ZNF180: variants seen among roughly 807,000 people sequenced by gnomAD.
The protein encoded by ZNF180 is zinc finger protein 180 (HHZ168).
Under a neutral mutation model 11.8 loss-of-function variants are expected in ZNF180, and 11 were observed. That is an observed-to-expected ratio of 0.93 (90% CI 0.59 to 1.55). ZNF180 has a LOEUF of 1.55. Ranked by LOEUF, ZNF180 falls within the 40% of genes most tolerant of loss-of-function variation. The pLI is 0.00. For synonymous variants in ZNF180, 287 were observed against 257.7 expected (o/e 1.11, Z -1.09); for missense variants, 773 against 781.7 (o/e 0.99, Z 0.13).
chr19:44,490,176 G>GGGA (rs1442184881), intron 2 of ZNF180, among the ~76,000 whole-genome samples: 63 of 135,962 alleles, frequency 4.6e-4, no homozygotes, highest in East Asian at 1.5e-3. Flanking sequence ...GGGAGGGAGG[G>GGGA]AGGGAGGGAG....
intron 2 of ZNF180, among the ~76,000 whole-genome samples, chr19:44,485,476 C>CT (rs1970206100): frequency 3.9e-5 from 6 of 152,104 alleles, no homozygotes; most frequent in Non-Finnish European, 1.5e-5. Flanking sequence ...CTTTCTCTGG[C>CT]TCCCATTTTC....
rs375087275 is a variant in ZNF180, at chr19:44,500,272, A to G, written c.-44+3T>C. The G allele has an allele frequency of 1.2e-6, 2 of 1,612,794 alleles. No homozygotes were observed. Among genetic ancestry groups the G allele is most frequent in the African/African-American group, 2.7e-5 (2 of 74,820 alleles). ...CCAAGCGCTGCCCCACGCCCCTACC[A>G]ACCTGGGCGTCCGCTGGCCCGCAGC... On this transcript the variant is annotated splice_donor_region_variant and intron_variant, in intron 1 of 4. Transcript: ENST00000592529.
rs1969862225 is a variant in ZNF180 at position 44,476,221 on chromosome 19, C to T, written c.*181G>A. 1 of 540,154 alleles carries T rather than the reference C, an allele frequency of 1.9e-6. No homozygotes were observed. The highest frequency in any genetic ancestry group is 3.1e-6 in the Non-Finnish European group (1 of 324,692). The allele number at this position is 540,154 out of a possible 1,614,324, so 33.5% of individuals were successfully genotyped here. A position where few individuals can be genotyped will look rare whatever the true frequency, so the allele number is the denominator to read the frequency against. On this transcript the variant is annotated 3_prime_UTR_variant, in exon 5 of 5. Transcript: ENST00000592529. ...ATATGGAATTGCCAGGTTGAAAAGTCGTTCATAGACTTTCCCCCTTTCTTT... is the reference window on the plus strand; with the variant it reads ...ATATGGAATTGCCAGGTTGAAAAGTTGTTCATAGACTTTCCCCCTTTCTTT...
chr19:44,492,075 C>A (rs1433862124), intron 2 of ZNF180, among the ~76,000 whole-genome samples: 1 of 152,160 alleles, frequency 6.6e-6, no homozygotes, highest in Non-Finnish European at 1.5e-5. Context: ...GAAGCGTTCC[C>A]AGATAGCAGA....
At position 44,477,391 on chromosome 19, in the gene ZNF180, A is replaced by G. The variant is rs780866666; in HGVS notation, c.1009T>C (p.Trp337Arg). The change falls in exon 5 of 5, where the codon TGG (tryptophan) becomes CGG (arginine). Residue 337 changes from tryptophan to arginine, a missense_variant. Transcript: ENST00000592529. ...TGATGTGCAACAAGATGCGAGCTCC[A>G]GCTGAAGGATTTCCCACACTGATTA... The part of the protein sequence containing the change: ...ECNQCGKSFS[W>R]SSHLVAHQRT... 31 of 1,613,704 alleles carry G rather than the reference A, an allele frequency of 1.9e-5. No homozygotes were observed. Among genetic ancestry groups the G allele is most frequent in the Non-Finnish European group, 2.5e-5 (29 of 1,179,954 alleles).
intron 2 of ZNF180, among the ~76,000 whole-genome samples, chr19:44,493,156 A>G (rs746894944): frequency 1.2e-4 from 18 of 152,186 alleles, no homozygotes; most frequent in Non-Finnish European, 2.2e-4. Flanking sequence ...TACACAGAAT[A>G]GACCATCCAC....
chr19:44,493,403 G>T (rs13344700), intron 2 of ZNF180, among the ~76,000 whole-genome samples: 11 of 152,056 alleles, frequency 7.2e-5, no homozygotes, highest in African/African-American at 2.7e-4. Flanking sequence ...CACTGGACTC[G>T]TGGCCTTCGT....
intron 3 of ZNF180, among the ~76,000 whole-genome samples, chr19:44,479,898 G>C (rs532732722): frequency 6.6e-6 from 1 of 152,076 alleles, no homozygotes; most frequent in Non-Finnish European, 1.5e-5. Context: ...TAAACAAATG[G>C]GTGTGGCTAC....
chr19:44,479,281 A>T lies in ZNF180; in HGVS notation c.253+2T>A. 6.2e-7 allele frequency: 1 copy of T among 1,612,566 alleles called. No homozygotes were observed. Among genetic ancestry groups the T allele is most frequent in the Non-Finnish European group, 8.5e-7 (1 of 1,179,482 alleles). On this transcript the variant is annotated splice_donor_variant, in intron 4 of 4. Coordinates refer to ENST00000592529, the MANE Select transcript of ZNF180 (RefSeq NM_001278509.3). LOFTEE classifies it high-confidence loss of function. ...CTTCATTAAAGAGGAGTGTATTCTT[A>T]CCCCAAGAGACTAGGTCCCTGTGGT... is the stretch of plus-strand genomic sequence containing the variant.
chr19:44,476,988 C>T lies in ZNF180; in HGVS notation c.1412G>A (p.Cys471Tyr). 1 of 1,614,166 alleles carries T rather than the reference C, an allele frequency of 6.2e-7. No homozygotes were observed. The highest frequency in any genetic ancestry group is 1.3e-5 in the African/African-American group (1 of 75,050). Residue 471 changes from cysteine (C) to tyrosine (Y), a missense_variant, in exon 5 of 5, where the codon TGT becomes TAT. Coordinates refer to ENST00000592529, the MANE Select transcript of ZNF180 (RefSeq NM_001278509.3). ...ATAACTTTGACTAAAGGATTTCCCA[C>T]ACTGATTGCATTCATAGGGTTTTTC... ...TGEKPYECNQ[C>Y]GKSFSQSYKL...
At chr19:44,490,164 A>G (rs1056668568) in intron 2 of ZNF180, among the ~76,000 whole-genome samples, 2 of 73,542 alleles carry the variant, frequency 2.7e-5, no homozygotes, top group Non-Finnish European at 5.6e-5. Flanking sequence ...GAAATAGGAG[A>G]AGGGAGGGAG....
intron 2 of ZNF180, among the ~76,000 whole-genome samples, chr19:44,490,001 G>GAAAGA (rs1345288539): frequency 0.17 from 18,007 of 105,322 alleles, 3,936 homozygotes; most frequent in East Asian, 0.53. Flanking sequence ...AAGCAAGAAA[G>GAAAGA]AAAGAAAAGA....
intron 3 of ZNF180, among the ~76,000 whole-genome samples, chr19:44,481,936 C>T (rs1352252250): frequency 6.6e-6 from 1 of 152,224 alleles, no homozygotes; most frequent in Admixed American, 6.5e-5. Context: ...TTCTATTCTT[C>T]TCACTTGTCC....
chr19:44,494,994 C>T (rs1970541939), intron 2 of ZNF180, among the ~76,000 whole-genome samples: 1 of 152,142 alleles, frequency 6.6e-6, no homozygotes, highest in African/African-American at 2.4e-5. Context: ...CATACGCACA[C>T]CGATACAAGC....
chr19:44,497,666 C>A (rs962587603), intron 1 of ZNF180, among the ~76,000 whole-genome samples: 5 of 152,084 alleles, frequency 3.3e-5, no homozygotes, highest in African/African-American at 1.2e-4. Flanking sequence ...TTCTGCCCAC[C>A]ACCAAAGTCT....
chr19:44,476,239 CT>C lies in ZNF180; in HGVS notation c.*162del, dbSNP rs1463141300. The C allele has an allele frequency of 1.5e-6, 1 of 664,444 alleles. No individual in the cohort carries two copies. The highest frequency in any genetic ancestry group is 3.0e-5 in the East Asian group (1 of 33,626). The allele number at this position is 664,444 out of a possible 1,614,324, so 41.2% of individuals were successfully genotyped here. A position where few individuals can be genotyped will look rare whatever the true frequency, so the allele number is the denominator to read the frequency against. ...GAAAAGTCGTTCATAGACTTTCCCC[CT>C]TTCTTTTCCAGAACAAATTTGAGAC... On this transcript the variant is annotated 3_prime_UTR_variant, in exon 5 of 5. Coordinates refer to ENST00000592529, the MANE Select transcript of ZNF180 (RefSeq NM_001278509.3).
rs1255507179 is a variant in ZNF180 at position 44,476,285 on chromosome 19, G to A, written c.*117C>T. ...TGAGACACACAATTAACAGAGGGCT[G>A]GAAGTTTTCCCACATATATTGTTTT... is the stretch of plus-strand genomic sequence containing the variant. On this transcript the variant is annotated 3_prime_UTR_variant, in exon 5 of 5. Transcript: ENST00000592529. 2 of 1,010,320 alleles carry A rather than the reference G, an allele frequency of 2.0e-6. No individual in the cohort carries two copies. Among genetic ancestry groups the A allele is most frequent in the Non-Finnish European group, 2.8e-6 (2 of 724,540 alleles). The allele number at this position is 1,010,320 out of a possible 1,614,324, so 62.6% of individuals were successfully genotyped here.
At chr19:44,490,194 G>A (rs900661912) in intron 2 of ZNF180, among the ~76,000 whole-genome samples, 2 of 150,036 alleles carry the variant, frequency 1.3e-5, no homozygotes, top group African/African-American at 2.5e-5. Context: ...GAGGGAGGGA[G>A]GATGGAAGGA....
In ZNF180 at chr19:44,476,298, C is replaced by A; in HGVS notation, c.*104G>T. 8.9e-7 allele frequency: 1 copy of A among 1,128,390 alleles called. No homozygotes were observed. The highest frequency in any genetic ancestry group is 1.2e-6 in the Non-Finnish European group (1 of 822,238). The allele number at this position is 1,128,390 out of a possible 1,614,324, so 69.9% of individuals were successfully genotyped here. On this transcript the variant is annotated 3_prime_UTR_variant, in exon 5 of 5. Transcript: ENST00000592529. ...TAACAGAGGGCTGGAAGTTTTCCCA[C>A]ATATATTGTTTTTATAGTAGTTCTT... is the stretch of plus-strand genomic sequence containing the variant.
Sources: gnomAD v4.1 joint callset for allele counts (sites outside exome capture counted in the v4.1 genomes callset) on GRCh38, gnomAD v4.1.1 for gene constraint, MANE v1.5 for transcripts, NCBI Gene and HGNC (gene_info 2026-07-23, HGNC 2026-07-21) for gene names.